EYS: variants seen among roughly 807,000 people sequenced by gnomAD.
EYS encodes protein eyes shut homolog.
EYS carries 250 observed loss-of-function variants against 282.1 expected under a neutral mutation model. That is an observed-to-expected ratio of 0.89 (90% CI 0.80 to 0.98). The LOEUF is 0.98. Ranked by LOEUF, EYS falls within the 50% of genes least tolerant of loss-of-function variation. The pLI is 0.00. For synonymous variants in EYS, 1,355 were observed against 1,282.9 expected, an observed-to-expected ratio of 1.06 and a Z score of -1.20; for missense variants, 4,016 against 3,709.0, an observed-to-expected ratio of 1.08 and a Z score of -2.15.
intron 22 of EYS, among the ~76,000 whole-genome samples, chr6:64,754,611 A>G (rs1772872703): frequency 6.6e-6 from 1 of 152,182 alleles, no homozygotes; most frequent in African/African-American, 2.4e-5. Context: ...AACCAATTTC[A>G]ATAGAACATT....
At chr6:65,323,255 T>TG (rs1486040274) in intron 11 of EYS, among the ~76,000 whole-genome samples, 1 of 144,970 alleles carries the variant, frequency 6.9e-6, no homozygotes, top group Non-Finnish European at 1.5e-5. Flanking sequence ...AAGACTCTCA[T>TG]GATTCACTTA....
rs562440015 is a variant in EYS, at chr6:64,703,562, A to T, written c.3444-77317T>A. Reference sequence around the variant, plus strand: ...ATTCTTCTGCCTCAGCCTCCCGATTAGCTGGGACTACAGGTGTGCACCACC... The same window carrying T: ...ATTCTTCTGCCTCAGCCTCCCGATTTGCTGGGACTACAGGTGTGCACCACC... On this transcript the variant is annotated intron_variant, in intron 22 of 42. Transcript: ENST00000503581. 7.3e-5 allele frequency among the ~76,000 whole-genome samples: 11 copies of T among 150,586 alleles called. No individual in the cohort carries two copies. In the East Asian group the frequency reaches 1.8e-3, roughly 24 times the overall value.
In EYS at chr6:65,273,361, G is replaced by A. The variant is rs140781436; in HGVS notation, c.2023+22502C>T. Among the ~76,000 whole-genome samples the A allele has an allele frequency of 5.3e-5, 8 of 152,188 alleles. No homozygotes were observed. The East Asian group carries it at 1.5e-3, about 29-fold the overall frequency. On this transcript the variant is annotated intron_variant, in intron 12 of 42. Transcript: ENST00000503581. ...TTTACCAGTGTAACTCTGCATTAAG[G>A]GAAGGGAAACAATCATGAGATAGAA...
chr6:65,406,741 G>A (rs766115582), intron 5 of EYS, among the ~76,000 whole-genome samples: 35 of 151,696 alleles, frequency 2.3e-4, no homozygotes, highest in Non-Finnish European at 1.2e-4. Flanking sequence ...GCCTTTTTAT[G>A]TGCAATAAAG....
At chr6:65,480,026 A>C (rs1765550806) in intron 5 of EYS, among the ~76,000 whole-genome samples, 1 of 150,094 alleles carries the variant, frequency 6.7e-6, no homozygotes, top group Non-Finnish European at 1.5e-5. Flanking sequence ...TTGGCTGTGC[A>C]TGGTGGCACG....
intron 26 of EYS, among the ~76,000 whole-genome samples, chr6:64,512,228 T>C (rs553159842): frequency 9.6e-4 from 146 of 152,220 alleles, no homozygotes; most frequent in Middle Eastern, 3.4e-3. Flanking sequence ...GACCTGTATT[T>C]ATAATAAAAT....
chr6:64,442,759 A>G (rs34390320), intron 26 of EYS, among the ~76,000 whole-genome samples: 56,111 of 152,036 alleles, frequency 0.37, 11,114 homozygotes, highest in African/African-American at 0.52. Flanking sequence ...TTGAGCCTGC[A>G]GGTGCACAGA....
intron 31 of EYS, among the ~76,000 whole-genome samples, chr6:64,169,618 G>C (rs1396213144): frequency 1.3e-5 from 2 of 152,050 alleles, no homozygotes; most frequent in Non-Finnish European, 2.9e-5. Flanking sequence ...CTTTTGTTAA[G>C]GTGTTAGCCC....
intron 26 of EYS, among the ~76,000 whole-genome samples, chr6:64,449,880 CG>C (rs1335127178): frequency 2.6e-5 from 4 of 152,044 alleles, no homozygotes; most frequent in African/African-American, 4.8e-5. Flanking sequence ...AAGGAACAAC[CG>C]GTACCAGCCA....
intron 12 of EYS, among the ~76,000 whole-genome samples, chr6:65,074,267 T>G (rs1462797633): frequency 6.6e-6 from 1 of 151,922 alleles, no homozygotes; most frequent in African/African-American, 2.4e-5. Flanking sequence ...TTTCTTCAGC[T>G]CCACAGGTTC....
intron 41 of EYS, among the ~76,000 whole-genome samples, chr6:63,739,258 G>T (rs1336705809): frequency 6.6e-6 from 1 of 152,174 alleles, no homozygotes; most frequent in Non-Finnish European, 1.5e-5. Context: ...GGAACTTAGT[G>T]TATGGGAGGT....
chr6:63,973,840 G>A (rs1417855795), intron 35 of EYS, among the ~76,000 whole-genome samples: 1 of 152,104 alleles, frequency 6.6e-6, no homozygotes, highest in Non-Finnish European at 1.5e-5. Flanking sequence ...CAAGTGTTAA[G>A]TTTTGGCTTC....
At chr6:65,473,306 G>A (rs1005114250) in intron 5 of EYS, among the ~76,000 whole-genome samples, 3 of 151,772 alleles carry the variant, frequency 2.0e-5, no homozygotes, top group African/African-American at 2.4e-5. Flanking sequence ...AAAACTTTAG[G>A]AAAGAGAAAT....
intron 5 of EYS, among the ~76,000 whole-genome samples, chr6:65,464,570 G>A (rs910319034): frequency 2.6e-5 from 4 of 152,050 alleles, no homozygotes; most frequent in African/African-American, 9.7e-5. Flanking sequence ...CTAAAAGAAA[G>A]TAAAAAGTTT....
At chr6:65,180,036 C>G (rs75373096) in intron 12 of EYS, among the ~76,000 whole-genome samples, 34,956 of 151,674 alleles carry the variant, frequency 0.23, 4,206 homozygotes, top group African/African-American at 0.25. Flanking sequence ...CAATAAACTA[C>G]GTATTGATGG....
At chr6:65,400,081 A>G (rs945705404) in intron 7 of EYS, among the ~76,000 whole-genome samples, 3 of 152,026 alleles carry the variant, frequency 2.0e-5, no homozygotes, top group Non-Finnish European at 4.4e-5. Context: ...TATACCTTGA[A>G]AAAATTTACC....
intron 1 of EYS, among the ~76,000 whole-genome samples, chr6:65,680,752 T>C (rs1768785098): frequency 6.6e-6 from 1 of 151,980 alleles, no homozygotes; most frequent in African/African-American, 2.4e-5. Flanking sequence ...ACAGAGGAGA[T>C]GTGGGGATTC....
At chr6:64,706,643 G>A (rs959042770) in intron 22 of EYS, among the ~76,000 whole-genome samples, 1 of 151,944 alleles carries the variant, frequency 6.6e-6, no homozygotes, top group Non-Finnish European at 1.5e-5. Flanking sequence ...CCATCAAACA[G>A]TGGGCTAAGG....
chr6:65,546,814 A>T (rs2127327199), intron 2 of EYS, among the ~76,000 whole-genome samples: 1 of 151,940 alleles, frequency 6.6e-6, no homozygotes, highest in South Asian at 2.1e-4. Flanking sequence ...CAAGTGATCT[A>T]CCCACATTGA....
Sources: gnomAD v4.1 joint callset for allele counts (sites outside exome capture counted in the v4.1 genomes callset) on GRCh38, gnomAD v4.1.1 for gene constraint, MANE v1.5 for transcripts, NCBI Gene and HGNC (gene_info 2026-07-23, HGNC 2026-07-21) for gene names.